Variants in RPS6KA2 observed in about 807,000 individuals in gnomAD.
RPS6KA2 encodes ribosomal protein S6 kinase A2, also known as ribosomal protein S6 kinase alpha-2.
RPS6KA2 carries 42 observed loss-of-function variants against 91.8 expected under a neutral mutation model. The observed-to-expected ratio is 0.46, with a 90% CI of 0.36 to 0.59. The LOEUF (loss-of-function observed/expected upper bound fraction) is 0.59, where lower values mean the gene tolerates loss of function less well. RPS6KA2 is among the 20% of genes least tolerant of loss of function. The pLI, the probability that RPS6KA2 is intolerant of heterozygous loss-of-function variation, is 0.00. For synonymous variants in RPS6KA2, 414 were observed against 393.6 expected (o/e 1.05, Z -0.61); for missense variants, 798 against 978.5 (o/e 0.82, Z 2.46).
chr6:166,461,901 C>T (rs1230048673), intron 11 of RPS6KA2, among the ~76,000 whole-genome samples: 1 of 152,108 alleles, frequency 6.6e-6, no homozygotes, highest in African/African-American at 2.4e-5. Flanking sequence ...ATCCCCAGAG[C>T]CTGGTGCCCA....
chr6:166,507,884 C>T (rs1182460076), intron 5 of RPS6KA2, among the ~76,000 whole-genome samples: 1 of 141,290 alleles, frequency 7.1e-6, no homozygotes, highest in African/African-American at 2.9e-5. Context: ...CCACGCACAC[C>T]CCCCCACACA....
chr6:166,600,967 A>G (rs1168709029), intron 1 of RPS6KA2, among the ~76,000 whole-genome samples: 1 of 152,224 alleles, frequency 6.6e-6, no homozygotes, highest in Non-Finnish European at 1.5e-5. Context: ...CATATCCAAT[A>G]TTTCTTAAAC....
chr6:166,503,520 G>C (rs1406839082), intron 6 of RPS6KA2, among the ~76,000 whole-genome samples: 1 of 152,168 alleles, frequency 6.6e-6, no homozygotes, highest in Non-Finnish European at 1.5e-5. Context: ...ACAGGCACGG[G>C]GCTCTCTGGT....
At chr6:166,862,440 T>G in exon 1 of RPS6KA2, 2 of 1,253,172 alleles carry the variant, frequency 1.6e-6, no homozygotes, top group Non-Finnish European at 2.1e-6. Context: ...TCTGGGGAGC[T>G]GCTGCCGCTT....
intron 11 of RPS6KA2, among the ~76,000 whole-genome samples, chr6:166,468,744 A>G (rs766046565): frequency 8.6e-5 from 13 of 151,820 alleles, no homozygotes; most frequent in Admixed American, 6.6e-4. Flanking sequence ...GGCGCCTGTA[A>G]TCCCAGCTAT....
rs1193351174 is a variant in RPS6KA2, at chr6:166,486,943, C to T, written c.907+1890G>A. 5.9e-5 allele frequency among the ~76,000 whole-genome samples: 9 copies of T among 152,230 alleles called. No homozygotes were observed. The East Asian group carries it at 7.7e-4, about 13-fold the overall frequency. Reference sequence around the variant, plus strand: ...AGAATTAACCGGCCCAAAATGCAGACGGTGCAGAGCCGTGGCCGAGACACC... The same window carrying T: ...AGAATTAACCGGCCCAAAATGCAGATGGTGCAGAGCCGTGGCCGAGACACC... On this transcript the variant is annotated intron_variant, in intron 10 of 20. Coordinates refer to ENST00000265678, the MANE Select transcript of RPS6KA2 (RefSeq NM_021135.6).
chr6:166,627,447 G>A (rs6927052), upstream of RPS6KA2: 25,031 of 134,670 alleles, frequency 0.19, 2,074 homozygotes, highest in East Asian at 0.26. Context: ...CGCCCCGCCC[G>A]GGAGAGCCCC....
intron 12 of RPS6KA2, among the ~76,000 whole-genome samples, chr6:166,452,963 G>T (rs576905250): frequency 1.2e-3 from 190 of 152,250 alleles, no homozygotes; most frequent in African/African-American, 4.4e-3. Context: ...ACTTTGGGAG[G>T]CTGAGGCAGG....
intron 11 of RPS6KA2, among the ~76,000 whole-genome samples, 177 bp downstream of exon 11, chr6:166,469,664 G>A (rs1780682470): frequency 6.6e-6 from 1 of 152,180 alleles, no homozygotes; most frequent in Non-Finnish European, 1.5e-5. Flanking sequence ...TGCCTCCCAA[G>A]TTGCCAGCCC....
At chr6:166,661,290 A>G (rs190646027) in intron 2 of RPS6KA2, among the ~76,000 whole-genome samples, 2 of 152,256 alleles carry the variant, frequency 1.3e-5, no homozygotes, top group Non-Finnish European at 2.9e-5. Flanking sequence ...TAATAGAGAC[A>G]GGGTTTACCA....
chr6:166,862,703 C>CGGGG (rs34038936), upstream of RPS6KA2: 3 of 123,196 alleles, frequency 2.4e-5, no homozygotes, highest in African/African-American at 1.2e-4. Flanking sequence ...GCTGGGGAGG[C>CGGGG]GGGGGGGGGG....
At chr6:166,552,898 T>G (rs1040745982) in intron 1 of RPS6KA2, among the ~76,000 whole-genome samples, 2 of 152,250 alleles carry the variant, frequency 1.3e-5, no homozygotes, top group African/African-American at 4.8e-5. Flanking sequence ...GTGGGCTGTA[T>G]CCTGGCAATG....
In RPS6KA2 at chr6:166,533,438, G is replaced by A. The variant is rs1418346094; in HGVS notation, c.217-2125C>T. On this transcript the variant is annotated intron_variant, in intron 2 of 20. Coordinates refer to ENST00000265678, the MANE Select transcript of RPS6KA2 (RefSeq NM_021135.6). The surrounding 1 kb of genome is among the most constrained non-coding windows in gnomAD (Gnocchi z 4.0). Reference sequence around the variant, plus strand: ...GAACCTGGGTCCCAAAAAAGTCGGAGGGGGTGTGGAACAAGGGACAGTTGT... The same window carrying A: ...GAACCTGGGTCCCAAAAAAGTCGGAAGGGGTGTGGAACAAGGGACAGTTGT... 2.6e-5 allele frequency among the ~76,000 whole-genome samples: 4 copies of A among 152,236 alleles called. No individual in the cohort carries two copies. The highest frequency in any genetic ancestry group is 5.9e-5 in the Non-Finnish European group (4 of 68,048).
chr6:166,519,921 T>C (rs1197620409), intron 3 of RPS6KA2, among the ~76,000 whole-genome samples: 1 of 152,174 alleles, frequency 6.6e-6, no homozygotes, highest in African/African-American at 2.4e-5. Flanking sequence ...AGAGAGCTGG[T>C]GAACCATGAT....
intron 10 of RPS6KA2, among the ~76,000 whole-genome samples, chr6:166,470,628 T>C (rs371626478): frequency 7.5e-4 from 114 of 152,276 alleles, no homozygotes; most frequent in African/African-American, 2.6e-3. Context: ...GGTGGATACA[T>C]GTCCACTCAT....
At chr6:166,592,111 G>A (rs1434188397) in intron 1 of RPS6KA2, among the ~76,000 whole-genome samples, 4 of 152,236 alleles carry the variant, frequency 2.6e-5, no homozygotes, top group Non-Finnish European at 4.4e-5. Flanking sequence ...AGATGGGCCT[G>A]GCTTGTAGAG....
chr6:166,800,882 T>G (rs1779349651), intron 2 of RPS6KA2, among the ~76,000 whole-genome samples: 1 of 152,210 alleles, frequency 6.6e-6, no homozygotes, highest in African/African-American at 2.4e-5. Context: ...AAAGAAAATT[T>G]ATATGTAAAA....
In RPS6KA2 at chr6:166,437,818, T is replaced by C. The variant is rs1006595503; in HGVS notation, c.1333-5328A>G. On this transcript the variant is annotated intron_variant, in intron 14 of 20. Coordinates refer to ENST00000265678, the MANE Select transcript of RPS6KA2 (RefSeq NM_021135.6). The surrounding 1 kb of genome is among the most constrained non-coding windows in gnomAD (Gnocchi z 4.3). ...ACTTCGCTGCTCTTGATAACACCTT[T>C]CCTCCTGCTGGCCGAAGGCGGCAAC... Among the ~76,000 whole-genome samples the C allele has an allele frequency of 6.6e-6, 1 of 151,972 alleles. No homozygotes were observed. The highest frequency in any genetic ancestry group is 2.4e-5 in the African/African-American group (1 of 41,382).
In RPS6KA2 at chr6:166,412,670, T is replaced by C. The variant is rs1283914031; in HGVS notation, c.*92A>G. 6.9e-6 allele frequency: 9 copies of C among 1,304,258 alleles called. No homozygotes were observed. The African/African-American group carries it at 1.0e-4, about 15-fold the overall frequency. The allele number at this position is 1,304,258 out of a possible 1,614,324, so 80.8% of individuals were successfully genotyped here. On this transcript the variant is annotated 3_prime_UTR_variant, in exon 21 of 21. Coordinates refer to ENST00000265678, the MANE Select transcript of RPS6KA2 (RefSeq NM_021135.6). The surrounding 1 kb of genome is among the most constrained non-coding windows in gnomAD (Gnocchi z 4.3). ...GGGCGCCGCCTCCCTGCTGGACTTG[T>C]GGTCACTCTGGGTGCCAGACGGGCT...
Sources: gnomAD v4.1 joint callset for allele counts (sites outside exome capture counted in the v4.1 genomes callset) on GRCh38, gnomAD v4.1.1 for gene constraint, Gnocchi (gnomAD v3.1) non-coding constraint, MANE v1.5 for transcripts, NCBI Gene and HGNC (gene_info 2026-07-23, HGNC 2026-07-21) for gene names.